Variants in ZNF573 observed in about 807,000 individuals in gnomAD.
ZNF573 encodes zinc finger protein 573.
A neutral mutation model predicts 57.4 loss-of-function variants in ZNF573; 41 were observed. That is an observed-to-expected ratio of 0.71 (90% CI 0.56 to 0.93). The LOEUF is 0.93. ZNF573 is among the 40% of genes least tolerant of loss of function. The pLI is 0.00. For synonymous variants in ZNF573, 249 were observed against 261.0 expected (o/e 0.95, Z 0.44); for missense variants, 730 against 794.8 (o/e 0.92, Z 0.98).
chr19:37,746,114 A>G (rs1023920221), intron 4 of ZNF573, among the ~76,000 whole-genome samples: 1 of 152,232 alleles, frequency 6.6e-6, no homozygotes, highest in Non-Finnish European at 1.5e-5. Flanking sequence ...AAAGATAACT[A>G]GACAACATAT....
At chr19:37,752,857 A>G (rs2045451596) in intron 4 of ZNF573, among the ~76,000 whole-genome samples, 1 of 152,044 alleles carries the variant, frequency 6.6e-6, no homozygotes, top group South Asian at 2.1e-4. Flanking sequence ...CTGGTCTCAA[A>G]CCCCTGGGCT....
chr19:37,765,672 T>C (rs2045595556), intron 4 of ZNF573, among the ~76,000 whole-genome samples: 1 of 151,770 alleles, frequency 6.6e-6, no homozygotes, highest in South Asian at 2.1e-4. Flanking sequence ...ATTGTGCCAT[T>C]GCACTCCAGC....
chr19:37,763,801 T>C (rs1247636195), intron 4 of ZNF573, among the ~76,000 whole-genome samples: 1 of 151,028 alleles, frequency 6.6e-6, no homozygotes, highest in East Asian at 2.0e-4. Context: ...TGGTGGCTCA[T>C]GCCTGTAATC....
At chr19:37,768,958 G>A (rs926837303) in intron 4 of ZNF573, among the ~76,000 whole-genome samples, 14 of 150,412 alleles carry the variant, frequency 9.3e-5, no homozygotes, top group Admixed American at 6.6e-4. Flanking sequence ...GAGCCGCTGC[G>A]CCCGGCCTAT....
At chr19:37,772,801 T>G in intron 2 of ZNF573, 1 of 202,780 alleles carries the variant, frequency 4.9e-6, no homozygotes, top group Non-Finnish European at 8.7e-6. Context: ...GCCCAGATGA[T>G]TTTTGTACTT....
At chr19:37,740,314 A>G (rs919104674) in intron 4 of ZNF573, 120 bp from the exon 5 acceptor site, 32 of 955,550 alleles carry the variant, frequency 3.3e-5, no homozygotes, top group Non-Finnish European at 4.6e-5. Flanking sequence ...ATTCAAAAAT[A>G]TGGTTACGAA....
intron 1 of ZNF573, chr19:37,778,660 T>C (rs1198496834): frequency 3.3e-5 from 5 of 151,968 alleles, no homozygotes; most frequent in Non-Finnish European, 5.9e-5. Flanking sequence ...AGCCTAAACA[T>C]TGAGTTTTAG....
chr19:37,772,881 C>T (rs769044517), intron 2 of ZNF573: 364 of 904,408 alleles, frequency 4.0e-4, no homozygotes, highest in Non-Finnish European at 4.6e-4. Flanking sequence ...GTGATCCTCC[C>T]GCCTTGGCCT....
intron 4 of ZNF573, among the ~76,000 whole-genome samples, chr19:37,743,602 C>T (rs557425330): frequency 1.9e-4 from 29 of 152,232 alleles, no homozygotes; most frequent in African/African-American, 6.3e-4. Context: ...GGATCTAGAA[C>T]CAGAAATACA....
intron 4 of ZNF573, among the ~76,000 whole-genome samples, chr19:37,757,772 GC>G (rs2045504017): frequency 1.3e-5 from 2 of 152,028 alleles, no homozygotes. Flanking sequence ...ACTCACAATA[GC>G]AAAGACTTGG....
intron 4 of ZNF573, among the ~76,000 whole-genome samples, chr19:37,754,319 A>C (rs1052094843): frequency 1.3e-5 from 2 of 152,146 alleles, no homozygotes; most frequent in African/African-American, 4.8e-5. Context: ...CAGGAATTTA[A>C]GACCAGCCTG....
chr19:37,753,551 A>G (rs1432748749), intron 4 of ZNF573, among the ~76,000 whole-genome samples: 1 of 152,154 alleles, frequency 6.6e-6, no homozygotes, highest in African/African-American at 2.4e-5. Context: ...AATATATGGT[A>G]TTCAAAATAA....
intron 4 of ZNF573, among the ~76,000 whole-genome samples, chr19:37,755,623 G>C (rs1169575227): frequency 1.3e-5 from 2 of 151,974 alleles, no homozygotes; most frequent in African/African-American, 4.8e-5. Context: ...TAACTAGATA[G>C]AACAGCAAAA....
intron 4 of ZNF573, among the ~76,000 whole-genome samples, chr19:37,755,594 T>G (rs1420319942): frequency 1.3e-5 from 2 of 152,150 alleles, no homozygotes; most frequent in Non-Finnish European, 2.9e-5. Context: ...ACTAAAATTA[T>G]AACTGTGTAA....
intron 1 of ZNF573, among the ~76,000 whole-genome samples, chr19:37,777,509 G>C (rs939975237): frequency 1.3e-5 from 2 of 152,142 alleles, no homozygotes; most frequent in South Asian, 2.1e-4. Flanking sequence ...CCTGAATGGA[G>C]TTGGAGACCA....
chr19:37,740,082 A>G lies in ZNF573; in HGVS notation c.408T>C (p.Cys136=), dbSNP rs766213204. The stretch of plus-strand genomic sequence containing the variant: ...TACTAAATTTCTTCTGACATTTCTT[A>G]CATTCATAGAGTTTCTCTCTCTTAT... ...SIYKREKLYE[C]KKCQKKFSSG... is the part of the protein sequence containing the mutation. Residue 136 remains cysteine, a synonymous_variant, in exon 5 of 5, where the codon TGT becomes TGC. Transcript: ENST00000536220. 1.9e-6 allele frequency: 3 copies of G among 1,614,002 alleles called. No homozygotes were observed. Among genetic ancestry groups the G allele is most frequent in the Non-Finnish European group, 2.5e-6 (3 of 1,180,002 alleles).
chr19:37,748,602 G>A (rs1057428256), intron 4 of ZNF573, among the ~76,000 whole-genome samples: 1 of 152,028 alleles, frequency 6.6e-6, no homozygotes, highest in Non-Finnish European at 1.5e-5. Context: ...CAAACCCAAA[G>A]GGGAAAATGT....
intron 4 of ZNF573, among the ~76,000 whole-genome samples, chr19:37,762,774 C>CTTTTTT (rs771487185): frequency 7.1e-6 from 1 of 140,362 alleles, no homozygotes; most frequent in East Asian, 2.0e-4. Flanking sequence ...TGGAGCCAGT[C>CTTTTTT]TTTTTTTTTT....
chr19:37,764,372 G>GT (rs1223498345), intron 4 of ZNF573, among the ~76,000 whole-genome samples: 1 of 149,352 alleles, frequency 6.7e-6, no homozygotes, highest in Non-Finnish European at 1.5e-5. Context: ...CCAGGCTGGA[G>GT]TGCAGTGGCC....
Sources: allele counts gnomAD v4.1 joint callset (sites outside exome capture counted in the v4.1 genomes callset), GRCh38; gene constraint gnomAD v4.1.1; transcripts MANE v1.5; gene names NCBI Gene and HGNC (gene_info 2026-07-23, HGNC 2026-07-21).